Variants in SLC35F4 observed in about 807,000 individuals in gnomAD.
SLC35F4 encodes the protein solute carrier family 35 member F4.
In SLC35F4, 24 loss-of-function variants were observed where a neutral mutation model predicts 44.2. The ratio of observed to expected loss-of-function variants is 0.54; its 90% CI spans 0.39 to 0.76. SLC35F4 has a LOEUF of 0.76. Ranked by LOEUF, SLC35F4 falls within the 30% of genes least tolerant of loss-of-function variation. The probability of loss-of-function intolerance (pLI) is 0.00; values close to 1 mark genes in which losing one functional copy is unlikely to be tolerated. For synonymous variants in SLC35F4, 238 were observed against 223.6 expected (o/e 1.06, Z -0.57); for missense variants, 562 against 586.1 (o/e 0.96, Z 0.42).
intron 1 of SLC35F4, among the ~76,000 whole-genome samples, chr14:57,779,105 C>CA (rs953857972): frequency 2.1e-4 from 32 of 149,982 alleles, no homozygotes; most frequent in Admixed American, 3.3e-4. Context: ...TAGCAGAAGA[C>CA]AAAAAAAAAT....
At chr14:57,583,995 C>T (rs560563685) in intron 3 of SLC35F4, among the ~76,000 whole-genome samples, 1 of 152,252 alleles carries the variant, frequency 6.6e-6, no homozygotes, top group Admixed American at 6.5e-5. Context: ...ATTAAAACAG[C>T]AGCCACTAGT....
intron 1 of SLC35F4, chr14:57,629,743 A>T (rs901699526): frequency 4.4e-5 from 12 of 270,468 alleles, no homozygotes; most frequent in Non-Finnish European, 8.8e-5. Flanking sequence ...TGGGCACATA[A>T]GACAGGAACA....
At position 57,933,985 on chromosome 14, in the gene SLC35F4, G is replaced by A. The variant is rs139991282; in HGVS notation, n.282+47928C>T. On this transcript the variant is annotated intron_variant and non_coding_transcript_variant, in intron 1 of 1. Transcript: ENST00000556568. Reference sequence around the variant, plus strand: ...TCCTAGTTGCTAGGGGTTTGCCATCGGTCTTCATTTATATCAATTTTTATT... The same window carrying A: ...TCCTAGTTGCTAGGGGTTTGCCATCAGTCTTCATTTATATCAATTTTTATT... 2.8e-4 allele frequency among the ~76,000 whole-genome samples: 43 copies of A among 152,184 alleles called. No homozygotes were observed. The East Asian group carries it at 5.2e-3, about 18-fold the overall frequency.
At chr14:57,945,787 A>T (rs1207205554) in intron 1 of SLC35F4, among the ~76,000 whole-genome samples, 2 of 151,890 alleles carry the variant, frequency 1.3e-5, no homozygotes, top group African/African-American at 4.8e-5. Flanking sequence ...AACATCTATT[A>T]TTTTTTTATT....
intron 1 of SLC35F4, among the ~76,000 whole-genome samples, chr14:57,894,225 A>G (rs1181758679): frequency 6.6e-6 from 1 of 152,152 alleles, no homozygotes; most frequent in Non-Finnish European, 1.5e-5. Context: ...TATAGCAAGC[A>G]CTATATGAAA....
intron 1 of SLC35F4, among the ~76,000 whole-genome samples, chr14:57,614,088 C>A (rs1319731444): frequency 6.6e-6 from 1 of 152,164 alleles, no homozygotes; most frequent in East Asian, 1.9e-4. Context: ...CATTTCCCCA[C>A]ATAAACAAGT....
intron 1 of SLC35F4, among the ~76,000 whole-genome samples, chr14:57,758,928 T>C (rs1323641797): frequency 2.0e-5 from 3 of 152,172 alleles, no homozygotes; most frequent in South Asian, 2.1e-4. Context: ...CACCATTCTA[T>C]CCTCTTTCTA....
chr14:57,865,633 C>CCGCG lies in SLC35F4; in HGVS notation c.103+86_103+89dup, dbSNP rs1455064622. ...GTCCGCAGGGCTGCAGGTGTCCGTA[C>CCGCG]CGCGCGCCCGCCCGTCCGCATCCCC... On this transcript the variant is annotated intron_variant, in intron 1 of 7. Transcript: ENST00000556826. 1.6e-4 allele frequency: 179 copies of CCGCG among 1,104,302 alleles called. No individual in the cohort carries two copies. The African/African-American group carries it at 2.4e-3, about 15-fold the overall frequency. 68.4% of individuals were successfully genotyped at this position (1,104,302 alleles called of 1,614,324 possible).
chr14:57,710,199 C>T (rs557329706), intron 1 of SLC35F4, among the ~76,000 whole-genome samples: 4 of 152,338 alleles, frequency 2.6e-5, no homozygotes, highest in Non-Finnish European at 4.4e-5. Context: ...CTAAAAGGGG[C>T]CAAGGTACTG....
intron 1 of SLC35F4, among the ~76,000 whole-genome samples, chr14:57,812,808 A>G (rs573829909): frequency 3.3e-5 from 5 of 152,196 alleles, no homozygotes; most frequent in Non-Finnish European, 7.3e-5. Context: ...CACAGAAAAT[A>G]CCACATGTAC....
intron 1 of SLC35F4, among the ~76,000 whole-genome samples, chr14:57,978,381 T>G (rs2141099455): frequency 6.6e-6 from 1 of 152,322 alleles, no homozygotes; most frequent in East Asian, 1.9e-4. Flanking sequence ...ACAGTGCCTA[T>G]GCCAGCCCCA....
chr14:57,614,409 C>G (rs1290587519), intron 1 of SLC35F4, among the ~76,000 whole-genome samples: 1 of 152,134 alleles, frequency 6.6e-6, no homozygotes, highest in African/African-American at 2.4e-5. Flanking sequence ...AATCCTAGAA[C>G]AGACTTCTTC....
At chr14:57,821,525 T>C (rs565211257) in intron 1 of SLC35F4, among the ~76,000 whole-genome samples, 3 of 152,180 alleles carry the variant, frequency 2.0e-5, no homozygotes, top group Non-Finnish European at 4.4e-5. Context: ...TCAGTAAAAC[T>C]AAAGCAAGGT....
chr14:57,697,703 A>G (rs2140354369), intron 1 of SLC35F4, among the ~76,000 whole-genome samples: 1 of 151,426 alleles, frequency 6.6e-6, no homozygotes, highest in East Asian at 1.9e-4. Context: ...CCTGTTTAAA[A>G]AAAAAAAAAA....
intron 1 of SLC35F4, among the ~76,000 whole-genome samples, chr14:57,784,937 T>C (rs960858230): frequency 1.3e-5 from 2 of 152,174 alleles, no homozygotes; most frequent in Non-Finnish European, 2.9e-5. Flanking sequence ...TTCTCTTCCT[T>C]ATGCTTTTCT....
chr14:57,957,038 C>A (rs913218922), intron 1 of SLC35F4, among the ~76,000 whole-genome samples: 8 of 152,108 alleles, frequency 5.3e-5, no homozygotes, highest in African/African-American at 1.9e-4. Flanking sequence ...TTGGAACTAA[C>A]CCAAACGTTC....
intron 1 of SLC35F4, among the ~76,000 whole-genome samples, chr14:57,881,972 G>A (rs1017287982): frequency 6.6e-6 from 1 of 152,182 alleles, no homozygotes; most frequent in African/African-American, 2.4e-5. Context: ...TAATTTGAGA[G>A]AGCAGAGATG....
intron 1 of SLC35F4, among the ~76,000 whole-genome samples, chr14:57,775,490 A>G (rs1317547392): frequency 2.0e-5 from 3 of 152,240 alleles, no homozygotes; most frequent in South Asian, 2.1e-4. Flanking sequence ...GCTGAGGTCA[A>G]TATCAGTCCC....
intron 1 of SLC35F4, among the ~76,000 whole-genome samples, chr14:57,822,468 T>C (rs919822271): frequency 8.5e-5 from 13 of 152,286 alleles, no homozygotes; most frequent in South Asian, 8.3e-4. Context: ...CAAGGTAAAC[T>C]AGGTTATTCT....
Sources: allele counts gnomAD v4.1 joint callset (sites outside exome capture counted in the v4.1 genomes callset), GRCh38; gene constraint gnomAD v4.1.1; transcripts MANE v1.5; gene names NCBI Gene and HGNC (gene_info 2026-07-23, HGNC 2026-07-21).